Variants in LMBRD2 observed in about 807,000 individuals in gnomAD.
LMBRD2 encodes LMBR1 domain containing 2.
LMBRD2 carries 55 observed loss-of-function variants against 94.4 expected under a neutral mutation model. That is an observed-to-expected ratio of 0.58 (90% CI 0.47 to 0.73). The LOEUF is 0.73. Ranked by LOEUF, LMBRD2 falls within the 30% of genes least tolerant of loss-of-function variation. The pLI is 0.00. For synonymous variants in LMBRD2, 246 were observed against 272.4 expected, an observed-to-expected ratio of 0.90 and a Z score of 0.95; for missense variants, 640 against 831.9, an observed-to-expected ratio of 0.77 and a Z score of 2.84.
intron 12 of LMBRD2, 112 bp from the exon 13 acceptor site, chr5:36,114,633 TA>T: frequency 7.9e-7 from 1 of 1,259,662 alleles, no homozygotes; most frequent in Non-Finnish European, 1.0e-6. Flanking sequence ...TTGAACTTTT[TA>T]AAAAGTAGAA....
chr5:36,122,229 T>C, intron 9 of LMBRD2, 51 bp downstream of exon 9: 1 of 1,335,466 alleles, frequency 7.5e-7, no homozygotes, highest in Non-Finnish European at 1.0e-6. Context: ...AACTTCTTTC[T>C]ACAGAAAACT....
chr5:36,134,638 C>T (rs1276948885), intron 6 of LMBRD2, among the ~76,000 whole-genome samples: 2 of 152,054 alleles, frequency 1.3e-5, no homozygotes, highest in African/African-American at 2.4e-5. Context: ...TGCCAAAGAT[C>T]GTAGACCACC....
intron 4 of LMBRD2, among the ~76,000 whole-genome samples, chr5:36,139,863 C>G (rs149623640): frequency 1.2e-3 from 176 of 152,320 alleles, no homozygotes; most frequent in African/African-American, 4.0e-3. Flanking sequence ...CACCTCTTCA[C>G]CTTGCTCACC....
At chr5:36,134,891 C>A (rs1461073430) in intron 6 of LMBRD2, among the ~76,000 whole-genome samples, 2 of 152,034 alleles carry the variant, frequency 1.3e-5, no homozygotes, top group Non-Finnish European at 2.9e-5. Context: ...GAAGAGAGTG[C>A]TGAAAAGAGC....
Position 36,125,362 on chromosome 5 carries a change from C to T in LMBRD2, c.748-1097G>A, listed in dbSNP as rs999912718. 5.3e-5 allele frequency among the ~76,000 whole-genome samples: 8 copies of T among 152,118 alleles called. No individual in the cohort carries two copies. In the East Asian group the frequency reaches 5.8e-4, roughly 11 times the overall value. On this transcript the variant is annotated intron_variant, in intron 6 of 17. Transcript: ENST00000296603. ...GTTTTAAGGGATACAAAACTCAAGG[C>T]GGAGAAGCCATCTAGCACATAGACA...
At chr5:36,105,255 C>T (rs1743438910) in intron 16 of LMBRD2, 58 bp from the exon 17 acceptor site, 1 of 1,531,340 alleles carries the variant, frequency 6.5e-7, no homozygotes, top group Admixed American at 1.7e-5. Flanking sequence ...TTATGGGTCA[C>T]AGTCTATGGA....
intron 6 of LMBRD2, among the ~76,000 whole-genome samples, chr5:36,128,130 C>T (rs900502157): frequency 6.6e-6 from 1 of 152,186 alleles, no homozygotes; most frequent in African/African-American, 2.4e-5. Context: ...CCAGAGAATT[C>T]TTCCAGATCT....
chr5:36,116,594 C>A lies in LMBRD2; in HGVS notation c.1303-1G>T. 1 of 1,608,978 alleles carries A rather than the reference C, an allele frequency of 6.2e-7. No homozygotes were observed. The highest frequency in any genetic ancestry group is 8.5e-7 in the Non-Finnish European group (1 of 1,178,712). On this transcript the variant is annotated splice_acceptor_variant, in intron 10 of 17. Coordinates refer to ENST00000296603, the MANE Select transcript of LMBRD2 (RefSeq NM_001007527.2). LOFTEE classifies it high-confidence loss of function. ...AGAAGATGGAAAGGAAGCAGGCAAT[C>A]TGGAAAAAAACAAAAACAAAGCAGT...
chr5:36,109,904 C>A, intron 15 of LMBRD2, 41 bp downstream of exon 15: 2 of 1,417,636 alleles, frequency 1.4e-6, no homozygotes, highest in South Asian at 1.2e-5. Context: ...AATTAAATTT[C>A]AAATTAATCT....
In LMBRD2 at chr5:36,141,166, A is replaced by G. The variant is rs1450081783; in HGVS notation, c.309T>C (p.Pro103=). ...HPCFKPWSYI[P]DGIMPIFWRV... ...TCCAGAAAATTGGCATGATTCCATC[A>G]GGAATGTAACTCCATGGCTTGAAAC... The change falls in exon 4 of 18, where the codon CCT becomes CCC. Residue 103 remains proline (P), a synonymous_variant. Transcript: ENST00000296603. The G allele has an allele frequency of 1.2e-6, 2 of 1,611,674 alleles. No individual in the cohort carries two copies. Among genetic ancestry groups the G allele is most frequent in the Non-Finnish European group, 1.7e-6 (2 of 1,178,390 alleles).
Position 36,143,420 on chromosome 5 carries a change from A to C in LMBRD2, c.-57-14T>G. On this transcript the variant is annotated splice_polypyrimidine_tract_variant and intron_variant, in intron 1 of 17. Coordinates refer to ENST00000296603, the MANE Select transcript of LMBRD2 (RefSeq NM_001007527.2). Reference sequence around the variant, plus strand: ...TCTGGACCATATCTATAAAGTAAAAAGAAGGTTAAAATGCATCATTAACAC... The same window carrying C: ...TCTGGACCATATCTATAAAGTAAAACGAAGGTTAAAATGCATCATTAACAC... 1 of 1,215,966 alleles carries C rather than the reference A, an allele frequency of 8.2e-7. No individual in the cohort carries two copies. Among genetic ancestry groups the C allele is most frequent in the Non-Finnish European group, 1.1e-6 (1 of 873,992 alleles). 75.3% of individuals were successfully genotyped at this position (1,215,966 alleles called of 1,614,324 possible).
intron 1 of LMBRD2, among the ~76,000 whole-genome samples, chr5:36,145,827 A>T (rs1419347710): frequency 1.3e-5 from 2 of 152,226 alleles, no homozygotes; most frequent in Non-Finnish European, 2.9e-5. Context: ...GTAGTATAAG[A>T]AATAATGTTT....
At chr5:36,120,916 C>G (rs987738350) in intron 9 of LMBRD2, among the ~76,000 whole-genome samples, 1 of 152,124 alleles carries the variant, frequency 6.6e-6, no homozygotes, top group Admixed American at 6.5e-5. Context: ...CTGCTAGTTA[C>G]TTCTCATCCA....
At chr5:36,114,624 TG>T (rs1165239969) in intron 12 of LMBRD2, 103 bp from the exon 13 acceptor site, 1 of 1,295,030 alleles carries the variant, frequency 7.7e-7, no homozygotes, top group Non-Finnish European at 9.9e-7. Context: ...TCAATCCATT[TG>T]AACTTTTTAA....
rs1360353131 is a variant in LMBRD2 at position 36,099,033 on chromosome 5, G to T, written c.*5013C>A. On this transcript the variant is annotated 3_prime_UTR_variant, in exon 18 of 18. Coordinates refer to ENST00000296603, the MANE Select transcript of LMBRD2 (RefSeq NM_001007527.2). ...GAATTGGATAAAGGCAAAATAACAA[G>T]TATTTTATTAATGCAATGCAGAAAT... is the stretch of plus-strand genomic sequence containing the variant. 1 of 152,054 alleles carries T rather than the reference G, an allele frequency of 6.6e-6. No homozygotes were observed. Among genetic ancestry groups the T allele is most frequent in the Middle Eastern group, 3.4e-3 (1 of 294 alleles). The allele number at this position is 152,054 out of a possible 1,614,324, so 9.4% of individuals were successfully genotyped here.
At chr5:36,106,834 A>G (rs947371031) in intron 16 of LMBRD2, among the ~76,000 whole-genome samples, 2 of 151,812 alleles carry the variant, frequency 1.3e-5, no homozygotes, top group Non-Finnish European at 2.9e-5. Context: ...CTGTTCCCCA[A>G]CTACTCTGTG....
At position 36,151,877 on chromosome 5, in the gene LMBRD2, ATTTCCC is replaced by A; in HGVS notation, c.-385_-380del. 2 of 283,504 alleles carry A rather than the reference ATTTCCC, an allele frequency of 7.1e-6. No individual in the cohort carries two copies. The highest frequency in any genetic ancestry group is 1.4e-5 in the Non-Finnish European group (2 of 147,200). 17.6% of individuals were successfully genotyped at this position (283,504 alleles called of 1,614,324 possible). ...ATCCGTCTACAGTCCAGCGGCTGACATTTCCCAGTCAGCCGTAGCGCCGCCCGCTTC... is the reference window on the plus strand; with the variant it reads ...ATCCGTCTACAGTCCAGCGGCTGACAAGTCAGCCGTAGCGCCGCCCGCTTC... On this transcript the variant is annotated 5_prime_UTR_variant, in exon 1 of 18. It removes an upstream start codon present in the reference 5' UTR. Coordinates refer to ENST00000296603, the MANE Select transcript of LMBRD2 (RefSeq NM_001007527.2). The surrounding 1 kb of genome is among the most constrained non-coding windows in gnomAD (Gnocchi z 4.7).
intron 1 of LMBRD2, among the ~76,000 whole-genome samples, chr5:36,145,607 G>A (rs191863815): frequency 1.6e-4 from 25 of 152,276 alleles, no homozygotes; most frequent in African/African-American, 6.0e-4. Flanking sequence ...AACCATCTTC[G>A]AGATCTAGGG....
chr5:36,103,799 C>A lies in LMBRD2; in HGVS notation c.*247G>T. 7.2e-6 allele frequency: 2 copies of A among 278,154 alleles called. No homozygotes were observed. Among genetic ancestry groups the A allele is most frequent in the East Asian group, 6.8e-5 (1 of 14,678 alleles). 17.2% of individuals were successfully genotyped at this position (278,154 alleles called of 1,614,324 possible). On this transcript the variant is annotated 3_prime_UTR_variant, in exon 18 of 18. Coordinates refer to ENST00000296603, the MANE Select transcript of LMBRD2 (RefSeq NM_001007527.2). ...ATGTTGATCTTTCTTAAAGTCCTTC[C>A]ACTGTAACTGTATTTCTAAGGCAGA...
Sources: allele counts gnomAD v4.1 joint callset (sites outside exome capture counted in the v4.1 genomes callset), GRCh38; gene constraint gnomAD v4.1.1; non-coding constraint Gnocchi (gnomAD v3.1); transcripts MANE v1.5; gene names NCBI Gene and HGNC (gene_info 2026-07-23, HGNC 2026-07-21).